C2orf49: variants seen among roughly 807,000 people sequenced by gnomAD.
The protein encoded by C2orf49 is tRNA-splicing ligase complex subunit ASW.
A neutral mutation model predicts 20.6 loss-of-function variants in C2orf49; 11 were observed. The observed-to-expected ratio is 0.53, with a 90% CI of 0.34 to 0.88. The LOEUF (loss-of-function observed/expected upper bound fraction) is 0.88. Among genes scored for constraint, C2orf49 ranks in the 40% least tolerant of loss-of-function variants. C2orf49 has a pLI of 0.02. For missense variants in C2orf49, 289 were observed against 274.2 expected, an observed-to-expected ratio of 1.05 and a Z score of -0.38; for synonymous variants, 134 against 108.5, an observed-to-expected ratio of 1.24 and a Z score of -1.46.
At chr2:105,370,272 G>C in the C2orf49 span, among the ~76,000 whole-genome samples, 2 of 152,082 alleles carry the variant, frequency 1.3e-5, no homozygotes, top group Non-Finnish European at 2.9e-5. Flanking sequence ...ACACGTAGGA[G>C]GCTGAGGTGG....
At chr2:105,349,317 GAACT>G (rs913109149), downstream of C2orf49, 8 of 152,178 alleles carry the variant, frequency 5.3e-5, no homozygotes, top group African/African-American at 1.9e-4. Context: ...CTGCAGCCTT[GAACT>G]CCTTGGCTCA....
the C2orf49 span, among the ~76,000 whole-genome samples, chr2:105,362,823 TC>T: frequency 6.6e-6 from 1 of 152,204 alleles, no homozygotes; most frequent in Non-Finnish European, 1.5e-5. Flanking sequence ...TATGAAAAAC[TC>T]CTTAGAATGT....
At chr2:105,356,926 A>C in the C2orf49 span, among the ~76,000 whole-genome samples, 1 of 151,986 alleles carries the variant, frequency 6.6e-6, no homozygotes, top group Non-Finnish European at 1.5e-5. Flanking sequence ...GCCTTTTTCA[A>C]CCATTAACTC....
intron 3 of C2orf49, among the ~76,000 whole-genome samples, chr2:105,344,898 G>T (rs1283061280): frequency 6.6e-6 from 1 of 152,114 alleles, no homozygotes; most frequent in Non-Finnish European, 1.5e-5. Context: ...ACTTTGGATT[G>T]TTAAATTGTA....
chr2:105,337,778 C>T, intron 1 of C2orf49, 92 bp downstream of exon 1: 2 of 1,135,710 alleles, frequency 1.8e-6, no homozygotes, highest in East Asian at 5.2e-5. Flanking sequence ...TCGGCAACCA[C>T]GGACACTCCC....
At position 105,343,121 on chromosome 2, in the gene C2orf49, G is replaced by C. The variant is rs755810693; in HGVS notation, c.540G>C (p.Arg180Ser). The C allele has an allele frequency of 5.6e-6, 9 of 1,614,076 alleles. No homozygotes were observed. The highest frequency in any genetic ancestry group is 1.6e-4 in the Middle Eastern group (1 of 6,084). The change falls in exon 3 of 4, where the codon AGG becomes AGC. Residue 180 changes from arginine (R) to serine (S), a missense_variant. By Grantham distance (110) the Arg-to-Ser change is moderately radical (BLOSUM62 -1). Coordinates refer to ENST00000258457, the MANE Select transcript of C2orf49 (RefSeq NM_024093.3). ...AACAGAACCATGACTTAACGCATAG[G>C]AAAAGTCCTTCAGGCCCTGTGAAGT... ...DAKQNHDLTH[R>S]KSPSGPVKSP...
chr2:105,352,970 A>G (rs569771397), downstream of C2orf49, among the ~76,000 whole-genome samples: 9 of 152,232 alleles, frequency 5.9e-5, no homozygotes, highest in Non-Finnish European at 7.4e-5. Context: ...ATAACAGAAT[A>G]CCACAGATTA....
the C2orf49 span, chr2:105,363,195 T>G: frequency 7.8e-7 from 1 of 1,284,550 alleles, no homozygotes; most frequent in South Asian, 1.4e-5. Context: ...TCTGGGGAGT[T>G]GAGGGATATA....
At position 105,347,065 on chromosome 2, in the gene C2orf49, A is replaced by G. The variant is rs967789330; in HGVS notation, c.*1694A>G. ...TCAGCTATTGAATAGCCTTCCAAAA[A>G]ATTAATTCAGCCTTGCAGGTAAGTA... is the stretch of plus-strand genomic sequence containing the variant. On this transcript the variant is annotated 3_prime_UTR_variant, in exon 4 of 4. Coordinates refer to ENST00000258457, the MANE Select transcript of C2orf49 (RefSeq NM_024093.3). 4 of 152,218 alleles carry G rather than the reference A, an allele frequency of 2.6e-5. No individual in the cohort carries two copies. The highest frequency in any genetic ancestry group is 5.9e-5 in the Non-Finnish European group (4 of 68,030). The allele number at this position is 152,218 out of a possible 1,614,324, so 9.4% of individuals were successfully genotyped here.
At chr2:105,350,693 T>C (rs1339122702), downstream of C2orf49, among the ~76,000 whole-genome samples, 1 of 152,212 alleles carries the variant, frequency 6.6e-6, no homozygotes, top group Non-Finnish European at 1.5e-5. Flanking sequence ...ATCCTATCTT[T>C]CGAAGCCTTC....
rs952057225 is a variant in C2orf49 at position 105,346,332 on chromosome 2, A to G, written c.*961A>G. 6.6e-6 allele frequency: 1 copy of G among 152,192 alleles called. No homozygotes were observed. The highest frequency in any genetic ancestry group is 1.5e-5 in the Non-Finnish European group (1 of 68,050). 9.4% of individuals were successfully genotyped at this position (152,192 alleles called of 1,614,324 possible). ...TTTCCTTGAAGTTGTAACAATTGAT[A>G]CATATATTATGAGTTGACTGGTCGA... On this transcript the variant is annotated 3_prime_UTR_variant, in exon 4 of 4. Coordinates refer to ENST00000258457, the MANE Select transcript of C2orf49 (RefSeq NM_024093.3).
chr2:105,355,823 T>C, the C2orf49 span, among the ~76,000 whole-genome samples: 1 of 150,300 alleles, frequency 6.7e-6, no homozygotes. Flanking sequence ...TGTGTATCAC[T>C]ACCCAGATCA....
the C2orf49 span, among the ~76,000 whole-genome samples, chr2:105,383,597 C>T: frequency 5.9e-5 from 9 of 152,146 alleles, no homozygotes; most frequent in Admixed American, 4.6e-4. Flanking sequence ...TGAACATGTC[C>T]TTTAGAGGGA....
At chr2:105,371,422 A>T in the C2orf49 span, among the ~76,000 whole-genome samples, 2 of 151,984 alleles carry the variant, frequency 1.3e-5, no homozygotes, top group Non-Finnish European at 2.9e-5. Context: ...CTGCCGCCCT[A>T]CGGAATTCAA....
rs1343940416 is a variant in C2orf49, at chr2:105,348,831, TTGAG to T, written c.*3464_*3467del. ...CTGTAATGACTTGATCTGTTTTTAT[TTGAG>T]TGAACAATTTTGGAAAGTATTCTTT... On this transcript the variant is annotated 3_prime_UTR_variant, in exon 4 of 4. Coordinates refer to ENST00000258457, the MANE Select transcript of C2orf49 (RefSeq NM_024093.3). 6.6e-6 allele frequency: 1 copy of T among 152,182 alleles called. No homozygotes were observed. The highest frequency in any genetic ancestry group is 1.5e-5 in the Non-Finnish European group (1 of 68,018). The allele number at this position is 152,182 out of a possible 1,614,324, so 9.4% of individuals were successfully genotyped here.
chr2:105,340,001 T>G (rs1679623264), intron 2 of C2orf49, among the ~76,000 whole-genome samples: 1 of 152,206 alleles, frequency 6.6e-6, no homozygotes, highest in African/African-American at 2.4e-5. Flanking sequence ...GGAGAAAGAT[T>G]ACAATTTTTG....
chr2:105,373,974 C>A, the C2orf49 span: 3 of 547,922 alleles, frequency 5.5e-6, no homozygotes, highest in Admixed American at 3.1e-5. Flanking sequence ...ATGCACATGT[C>A]TGTGTGTGAG....
the C2orf49 span, chr2:105,363,583 T>C: frequency 1.0e-6 from 1 of 1,004,414 alleles, no homozygotes. Context: ...GTCCAGTTTG[T>C]TAAGTCACCA....
At chr2:105,369,259 C>A in the C2orf49 span, among the ~76,000 whole-genome samples, 9 of 152,166 alleles carry the variant, frequency 5.9e-5, no homozygotes, top group Admixed American at 5.9e-4. Flanking sequence ...TGCAGTAACA[C>A]AGGTGGCTTA....
Sources: allele counts gnomAD v4.1 joint callset (sites outside exome capture counted in the v4.1 genomes callset), GRCh38; gene constraint gnomAD v4.1.1; transcripts MANE v1.5; gene names NCBI Gene and HGNC (gene_info 2026-07-23, HGNC 2026-07-21).